XKR4: variants seen among roughly 807,000 people sequenced by gnomAD.
XKR4 encodes the protein XK-related protein 4.
A neutral mutation model predicts 53.9 loss-of-function variants in XKR4; 12 were observed. The ratio of observed to expected loss-of-function variants is 0.22; its 90% CI spans 0.14 to 0.36. The LOEUF (loss-of-function observed/expected upper bound fraction) is 0.36, where lower values mean the gene tolerates loss of function less well. XKR4 is among the 10% of genes least tolerant of loss of function. XKR4 has a pLI of 1.00. For missense variants in XKR4, 799 were observed against 859.5 expected (o/e 0.93, Z 0.88); for synonymous variants, 354 against 362.4 (o/e 0.98, Z 0.26).
chr8:55,102,949 T>C lies in XKR4; in HGVS notation c.461T>C (p.Leu154Pro). The C allele has an allele frequency of 6.2e-7, 1 of 1,611,644 alleles. No homozygotes were observed. The highest frequency in any genetic ancestry group is 1.1e-5 in the South Asian group (1 of 91,056). The part of the protein sequence containing the change: ...WFGLTLFFVV[L>P]GSLSVQVFSF... ...GGGCTCACGCTCTTCTTCGTGGTGC[T>C]CGGCTCTCTGTCGGTGCAAGTGTTC... Residue 154 changes from leucine to proline, a missense_variant, in exon 1 of 3, where the codon CTC becomes CCC. Physicochemically the swap from Leu to Pro is moderately conservative, Grantham distance 98 (BLOSUM62 -3). Around this residue, in one of 3 missense-constraint regions of XKR4, gnomAD observed 476 missense variants for 505.4 expected, o/e 0.94. Transcript: ENST00000327381. The surrounding 1 kb of genome is among the most constrained non-coding windows in gnomAD (Gnocchi z 5.1).
At chr8:55,289,580 G>GA (rs1563316344) in intron 1 of XKR4, among the ~76,000 whole-genome samples, 1 of 86,050 alleles carries the variant, frequency 1.2e-5, no homozygotes, top group African/African-American at 5.1e-5. Flanking sequence ...AGAGAGAAAG[G>GA]AAGAAAGAAA....
chr8:55,425,015 C>T (rs1252316721), intron 2 of XKR4, among the ~76,000 whole-genome samples: 1 of 152,172 alleles, frequency 6.6e-6, no homozygotes, highest in Non-Finnish European at 1.5e-5. Flanking sequence ...TAAATCTCTG[C>T]CTGTATTCTG....
At chr8:55,156,774 A>C (rs949138584) in intron 1 of XKR4, among the ~76,000 whole-genome samples, 7 of 152,222 alleles carry the variant, frequency 4.6e-5, no homozygotes, top group Non-Finnish European at 1.0e-4. Context: ...TGTATGCTTT[A>C]AGTGTTCAGG....
chr8:55,246,437 C>T (rs1818286445), intron 1 of XKR4, among the ~76,000 whole-genome samples: 1 of 152,156 alleles, frequency 6.6e-6, no homozygotes, highest in African/African-American at 2.4e-5. Context: ...GATTAAAGAA[C>T]ATCTTGGTCT....
rs1051952252 is a variant in XKR4 at position 55,450,172 on chromosome 8, G to T, written c.1007-73109G>T. 1.9e-5 allele frequency: 13 copies of T among 670,054 alleles called. No individual in the cohort carries two copies. The African/African-American group carries it at 2.1e-4, about 11-fold the overall frequency. The allele number at this position is 670,054 out of a possible 1,614,324, so 41.5% of individuals were successfully genotyped here. The stretch of plus-strand genomic sequence containing the variant: ...CAGGCGTGAGATGGCGTCAGGCTGG[G>T]CTCGGGGGCAGCTGTGGTAGCAGGG... On this transcript the variant is annotated intron_variant, in intron 2 of 2. Coordinates refer to ENST00000327381, the MANE Select transcript of XKR4 (RefSeq NM_052898.2).
chr8:55,347,022 T>G (rs558046311), intron 1 of XKR4, among the ~76,000 whole-genome samples: 1 of 152,350 alleles, frequency 6.6e-6, no homozygotes, highest in Non-Finnish European at 1.5e-5. Context: ...GATTGAAATA[T>G]TTATCTTACA....
rs2129406202 is a variant in XKR4 at position 55,525,414 on chromosome 8, G to A, written c.*1187G>A. The A allele has an allele frequency of 6.5e-6, 1 of 152,776 alleles. No homozygotes were observed. Among genetic ancestry groups the A allele is most frequent in the Non-Finnish European group, 1.5e-5 (1 of 68,044 alleles). The allele number at this position is 152,776 out of a possible 1,614,324, so 9.5% of individuals were successfully genotyped here. A position where few individuals can be genotyped will look rare whatever the true frequency, so the allele number is the denominator to read the frequency against. On this transcript the variant is annotated 3_prime_UTR_variant, in exon 3 of 3. Coordinates refer to ENST00000327381, the MANE Select transcript of XKR4 (RefSeq NM_052898.2). ...AGGTCAAAGTGATGTGTCTTTTAGA[G>A]GCTTTGGGACACTTTTTAGTAAGTA... is the stretch of plus-strand genomic sequence containing the variant.
rs1479899903 is a variant in XKR4 at position 55,540,280 on chromosome 8, T to C, written c.*16053T>C. On this transcript the variant is annotated 3_prime_UTR_variant, in exon 3 of 3. Coordinates refer to ENST00000327381, the MANE Select transcript of XKR4 (RefSeq NM_052898.2). Reference sequence around the variant, plus strand: ...TATTTCCCATTAACATTGTATTCCATGAACAAGTGATAGAAAACATATGGA... The same window carrying C: ...TATTTCCCATTAACATTGTATTCCACGAACAAGTGATAGAAAACATATGGA... 2.6e-5 allele frequency: 4 copies of C among 152,224 alleles called. No homozygotes were observed. Among genetic ancestry groups the C allele is most frequent in the African/African-American group, 9.6e-5 (4 of 41,470 alleles). The allele number at this position is 152,224 out of a possible 1,614,324, so 9.4% of individuals were successfully genotyped here.
chr8:55,523,643 C>A lies in XKR4; in HGVS notation c.1369C>A (p.Leu457Ile). The part of the protein sequence containing the change: ...NVKEGRTRCR[L>I]FIYYFVILLE... Reference sequence around the variant, plus strand: ...CAAGGAAGGCAGGACACGCTGCAGGCTATTCATTTACTATTTTGTGATCCT... The same window carrying A: ...CAAGGAAGGCAGGACACGCTGCAGGATATTCATTTACTATTTTGTGATCCT... The change falls in exon 3 of 3, where the codon CTA becomes ATA. Residue 457 changes from leucine (L) to isoleucine (I), a missense_variant. By Grantham distance (5) the Leu-to-Ile change is conservative. Transcript: ENST00000327381. 1 of 1,614,144 alleles carries A rather than the reference C, an allele frequency of 6.2e-7. No homozygotes were observed. Among genetic ancestry groups the A allele is most frequent in the Non-Finnish European group, 8.5e-7 (1 of 1,180,020 alleles).
chr8:55,388,962 T>C (rs1804395123), intron 2 of XKR4, among the ~76,000 whole-genome samples: 1 of 152,174 alleles, frequency 6.6e-6, no homozygotes, highest in Non-Finnish European at 1.5e-5. Flanking sequence ...TATTCACAAA[T>C]AGGTTCCTTG....
At chr8:55,220,716 G>C (rs893209094) in intron 1 of XKR4, among the ~76,000 whole-genome samples, 1 of 152,166 alleles carries the variant, frequency 6.6e-6, no homozygotes, top group African/African-American at 2.4e-5. Context: ...AGGTCTTACT[G>C]TCTCCTTTTT....
At chr8:55,245,811 T>C (rs1818277200) in intron 1 of XKR4, among the ~76,000 whole-genome samples, 1 of 152,126 alleles carries the variant, frequency 6.6e-6, no homozygotes, top group Non-Finnish European at 1.5e-5. Flanking sequence ...CCTCCCAATG[T>C]AGGCTGGGTG....
At chr8:55,170,684 T>A (rs1368347304) in intron 1 of XKR4, among the ~76,000 whole-genome samples, 1 of 152,182 alleles carries the variant, frequency 6.6e-6, no homozygotes, top group Non-Finnish European at 1.5e-5. Context: ...CTTCTCTGAT[T>A]ATTGATTACA....
intron 2 of XKR4, chr8:55,451,508 T>G: frequency 1.9e-6 from 2 of 1,065,108 alleles, no homozygotes; most frequent in Non-Finnish European, 2.8e-6. Context: ...GAAGGTGCGT[T>G]CTGGGCCTTA....
At chr8:55,289,563 A>C in intron 1 of XKR4, among the ~76,000 whole-genome samples, 1 of 83,262 alleles carries the variant, frequency 1.2e-5, no homozygotes, top group African/African-American at 3.5e-5. Context: ...GAAGGAAGGA[A>C]GGAAGGAGAG....
At chr8:55,303,722 T>C (rs1433168545) in intron 1 of XKR4, among the ~76,000 whole-genome samples, 1 of 152,214 alleles carries the variant, frequency 6.6e-6, no homozygotes, top group Non-Finnish European at 1.5e-5. Context: ...TGGTTTAGTC[T>C]TGGGAGGGTG....
chr8:55,346,871 C>G (rs937137142), intron 1 of XKR4, among the ~76,000 whole-genome samples: 10 of 152,196 alleles, frequency 6.6e-5, no homozygotes, highest in African/African-American at 2.4e-4. Context: ...AACAGCCAAA[C>G]TGTTTAATGT....
intron 2 of XKR4, among the ~76,000 whole-genome samples, chr8:55,519,152 A>G (rs1806762535): frequency 6.6e-6 from 1 of 152,212 alleles, no homozygotes; most frequent in Non-Finnish European, 1.5e-5. Context: ...TTTTCTATAA[A>G]ATAAGATTAT....
At chr8:55,446,500 C>T (rs1805349769) in intron 2 of XKR4, among the ~76,000 whole-genome samples, 1 of 152,126 alleles carries the variant, frequency 6.6e-6, no homozygotes, top group African/African-American at 2.4e-5. Context: ...CGCCACCAGT[C>T]CTGGCCAATT....
Sources: gnomAD v4.1 joint callset for allele counts (sites outside exome capture counted in the v4.1 genomes callset) on GRCh38, gnomAD v4.1.1 for gene constraint, gnomAD v4.1.1 regional missense constraint, Gnocchi (gnomAD v3.1) non-coding constraint, MANE v1.5 for transcripts, NCBI Gene and HGNC (gene_info 2026-07-23, HGNC 2026-07-21) for gene names.